CATSPERE: variants seen among roughly 807,000 people sequenced by gnomAD.
The protein encoded by CATSPERE is catsper channel auxiliary subunit epsilon.
In CATSPERE, 93 loss-of-function variants were observed where a neutral mutation model predicts 114.1. The ratio of observed to expected loss-of-function variants is 0.81; its 90% CI spans 0.69 to 0.97. The LOEUF is 0.97. Ranked by LOEUF, CATSPERE falls within the 50% of genes least tolerant of loss-of-function variation. The pLI, the probability that CATSPERE is intolerant of heterozygous loss-of-function variation, is 0.00. For missense variants in CATSPERE, 1,058 were observed against 1,131.6 expected (o/e 0.93, Z 0.93); for synonymous variants, 341 against 384.1 (o/e 0.89, Z 1.31).
At chr1:244,469,407 T>G (rs1001825369) in intron 2 of CATSPERE, among the ~76,000 whole-genome samples, 1 of 152,198 alleles carries the variant, frequency 6.6e-6, no homozygotes. Flanking sequence ...TCATTGACTT[T>G]ATCACCCACT....
At chr1:244,530,507 T>C (rs1316502220) in intron 8 of CATSPERE, among the ~76,000 whole-genome samples, 3 of 152,198 alleles carry the variant, frequency 2.0e-5, no homozygotes, top group African/African-American at 4.8e-5. Flanking sequence ...TCTGGGTCTT[T>C]GGTGGGTTCT....
chr1:244,497,385 A>G (rs1380737106), intron 6 of CATSPERE, among the ~76,000 whole-genome samples: 1 of 152,162 alleles, frequency 6.6e-6, no homozygotes, highest in Non-Finnish European at 1.5e-5. Context: ...CAAATAAACC[A>G]TTAAAAGAGA....
At chr1:244,473,368 G>A (rs1668781681) in intron 2 of CATSPERE, among the ~76,000 whole-genome samples, 4 of 152,094 alleles carry the variant, frequency 2.6e-5, no homozygotes, top group Non-Finnish European at 5.9e-5. Context: ...GATGTGGAGA[G>A]TCTTTTCATA....
At chr1:244,524,097 G>C (rs1234976672) in intron 8 of CATSPERE, among the ~76,000 whole-genome samples, 1 of 151,340 alleles carries the variant, frequency 6.6e-6, no homozygotes, top group Admixed American at 6.6e-5. Context: ...ATACTACAAG[G>C]CTGCAGTAAC....
intron 20 of CATSPERE, among the ~76,000 whole-genome samples, chr1:244,625,078 A>G (rs916203057): frequency 6.6e-5 from 10 of 152,124 alleles, no homozygotes; most frequent in South Asian, 4.1e-4. Context: ...AATGTTCTCA[A>G]TGGCATCTAG....
At chr1:244,629,237 T>C (rs1673596844) in intron 20 of CATSPERE, among the ~76,000 whole-genome samples, 1 of 152,082 alleles carries the variant, frequency 6.6e-6, no homozygotes, top group Non-Finnish European at 1.5e-5. Flanking sequence ...GTCATAAGAG[T>C]CAGATCTCAG....
chr1:244,477,846 G>T, intron 3 of CATSPERE, 60 bp from the exon 4 acceptor site: 1 of 1,324,784 alleles, frequency 7.5e-7, no homozygotes, highest in Non-Finnish European at 1.1e-6. Flanking sequence ...AAATAGTAAG[G>T]GAATTTTATT....
intron 14 of CATSPERE, among the ~76,000 whole-genome samples, chr1:244,588,822 TCTCAA>T (rs1343008057): frequency 2.6e-5 from 4 of 152,218 alleles, no homozygotes; most frequent in Non-Finnish European, 2.9e-5. Flanking sequence ...CAGTTGCCTC[TCTCAA>T]CTCTTCAGTC....
intron 13 of CATSPERE, among the ~76,000 whole-genome samples, chr1:244,586,111 A>T (rs143935451): frequency 1.9e-4 from 29 of 152,300 alleles, no homozygotes; most frequent in Non-Finnish European, 3.1e-4. Flanking sequence ...CATTTAGGCC[A>T]TATGTCAGAA....
intron 8 of CATSPERE, among the ~76,000 whole-genome samples, chr1:244,537,558 G>T (rs983571414): frequency 6.6e-6 from 1 of 152,136 alleles, no homozygotes; most frequent in Non-Finnish European, 1.5e-5. Flanking sequence ...AGCATTATTT[G>T]TTCCTTAAGT....
At chr1:244,572,187 T>C in intron 10 of CATSPERE, 143 bp from the exon 11 acceptor site, 3 of 617,974 alleles carry the variant, frequency 4.9e-6, no homozygotes, top group Non-Finnish European at 5.8e-6. Context: ...AGTTATGGGT[T>C]CATATCTGCA....
chr1:244,452,620 G>T (rs1665712003), upstream of CATSPERE, among the ~76,000 whole-genome samples: 1 of 152,074 alleles, frequency 6.6e-6, no homozygotes. Context: ...TACCTATGTC[G>T]CATATAGTAC....
intron 19 of CATSPERE, 190 bp downstream of exon 19, chr1:244,610,516 G>T: frequency 1.5e-6 from 1 of 680,440 alleles, no homozygotes. Flanking sequence ...TCTTTTGTTG[G>T]TTCTGTGTTA....
chr1:244,478,545 G>GAT (rs1558331390), intron 4 of CATSPERE, among the ~76,000 whole-genome samples: 1 of 152,194 alleles, frequency 6.6e-6, no homozygotes, highest in Non-Finnish European at 1.5e-5. Flanking sequence ...CAGTTCTACA[G>GAT]ATACCATGTC....
At chr1:244,539,217 T>C (rs1680841057) in intron 8 of CATSPERE, among the ~76,000 whole-genome samples, 2 of 151,662 alleles carry the variant, frequency 1.3e-5, no homozygotes, top group Admixed American at 1.3e-4. Context: ...CTTTTCTGCA[T>C]CTATTGAGAT....
chr1:244,525,305 C>T (rs2148393786), intron 8 of CATSPERE, among the ~76,000 whole-genome samples: 1 of 133,232 alleles, frequency 7.5e-6, no homozygotes, highest in Admixed American at 8.8e-5. Flanking sequence ...CACATGGACA[C>T]AGGAAAGGGA....
At chr1:244,524,716 C>A (rs911005741) in intron 8 of CATSPERE, among the ~76,000 whole-genome samples, 1 of 150,494 alleles carries the variant, frequency 6.6e-6, no homozygotes, top group South Asian at 2.1e-4. Context: ...GACATTTATG[C>A]AGCCAAAAAC....
In CATSPERE at chr1:244,477,509, T is replaced by G. The variant is rs181835761; in HGVS notation, c.115-32T>G. 3.1e-5 allele frequency: 39 copies of G among 1,278,036 alleles called. 1 individual carries two copies. In the Admixed American group the frequency reaches 4.2e-4, roughly 14 times the overall value. 79.2% of individuals were successfully genotyped at this position (1,278,036 alleles called of 1,614,324 possible). A position where few individuals can be genotyped will look rare whatever the true frequency, so the allele number is the denominator to read the frequency against. On this transcript the variant is annotated intron_variant, in intron 2 of 21. Transcript: ENST00000366534. Reference sequence around the variant, plus strand: ...CCTGAGGTGAAAAGTTTGAATGATATTTTTTGTTCGAACTCTTGTTTTCTT... The same window carrying G: ...CCTGAGGTGAAAAGTTTGAATGATAGTTTTTGTTCGAACTCTTGTTTTCTT...
At chr1:244,536,044 G>A (rs3005978) in intron 8 of CATSPERE, among the ~76,000 whole-genome samples, 131,668 of 151,818 alleles carry the variant, frequency 0.87, 58,137 homozygotes, top group East Asian at 1. Flanking sequence ...GGGTGTGTCT[G>A]GAAATGTCGT....
Sources: allele counts gnomAD v4.1 joint callset (sites outside exome capture counted in the v4.1 genomes callset), GRCh38; gene constraint gnomAD v4.1.1; transcripts MANE v1.5; gene names NCBI Gene and HGNC (gene_info 2026-07-23, HGNC 2026-07-21).